The following DOCK2 variants were observed in gnomAD, a reference collection of about 807,000 sequenced individuals.
The protein encoded by DOCK2 is dedicator of cytokinesis protein 2.
In DOCK2, 87 loss-of-function variants were observed where a neutral mutation model predicts 248.9. That is an observed-to-expected ratio of 0.35 (90% CI 0.29 to 0.42). DOCK2 has a LOEUF of 0.42. DOCK2 is among the 10% of genes least tolerant of loss of function. DOCK2 has a pLI of 1.00. For synonymous variants in DOCK2, 805 were observed against 821.6 expected, an observed-to-expected ratio of 0.98 and a Z score of 0.35; for missense variants, 1,747 against 2,300.2, an observed-to-expected ratio of 0.76 and a Z score of 4.92.
At chr5:169,891,956 A>G (rs946642225) in intron 27 of DOCK2, among the ~76,000 whole-genome samples, 4 of 149,492 alleles carry the variant, frequency 2.7e-5, no homozygotes, top group East Asian at 2.0e-4. Flanking sequence ...AGATTGTGCC[A>G]TTGCACTCCA....
intron 22 of DOCK2, among the ~76,000 whole-genome samples, chr5:169,743,933 A>T (rs978329134): frequency 4.4e-4 from 65 of 149,010 alleles, no homozygotes; most frequent in Middle Eastern, 3.3e-3. Flanking sequence ...TTATATTATT[A>T]TATATATATA....
chr5:169,642,577 A>C (rs1309516613), intron 1 of DOCK2, among the ~76,000 whole-genome samples: 1 of 152,220 alleles, frequency 6.6e-6, no homozygotes, highest in African/African-American at 2.4e-5. Context: ...ATTGGTCCCC[A>C]GAAATTAGTC....
Position 170,082,978 on chromosome 5 carries a change from C to A in DOCK2, c.*120C>A. 2 of 1,332,206 alleles carry A rather than the reference C, an allele frequency of 1.5e-6. No homozygotes were observed. The highest frequency in any genetic ancestry group is 2.1e-6 in the Non-Finnish European group (2 of 951,336). 82.5% of individuals were successfully genotyped at this position (1,332,206 alleles called of 1,614,324 possible). The stretch of plus-strand genomic sequence containing the variant: ...AGACTGTCCCCATCAGTTGTCCTTA[C>A]TTAGAGGAGACAGAGAGGCCAATCA... On this transcript the variant is annotated 3_prime_UTR_variant, in exon 52 of 52. Coordinates refer to ENST00000520908, the MANE Select transcript of DOCK2 (RefSeq NM_004946.3).
chr5:170,075,674 A>C, intron 46 of DOCK2: 1 of 358,632 alleles, frequency 2.8e-6, no homozygotes, highest in African/African-American at 2.1e-5. Context: ...AATTTTCCCA[A>C]CCATGTGGCC....
intron 27 of DOCK2, among the ~76,000 whole-genome samples, chr5:169,979,435 C>T (rs1026695814): frequency 1.3e-5 from 2 of 152,186 alleles, no homozygotes; most frequent in Non-Finnish European, 2.9e-5. Context: ...ATCAGAGAAG[C>T]AAAATGTTAT....
At chr5:169,669,577 T>A (rs887080409) in intron 3 of DOCK2, among the ~76,000 whole-genome samples, 1 of 152,190 alleles carries the variant, frequency 6.6e-6, no homozygotes, top group Non-Finnish European at 1.5e-5. Context: ...TGCCACTCAC[T>A]TATGATTTCT....
At chr5:170,008,910 A>G (rs1451706328) in intron 32 of DOCK2, among the ~76,000 whole-genome samples, 164 bp downstream of exon 32, 2 of 152,042 alleles carry the variant, frequency 1.3e-5, no homozygotes, top group Non-Finnish European at 2.9e-5. Flanking sequence ...TATACTCTGA[A>G]TAAGAGGGGT....
At chr5:169,972,166 T>C (rs1336190815) in intron 27 of DOCK2, among the ~76,000 whole-genome samples, 1 of 152,242 alleles carries the variant, frequency 6.6e-6, no homozygotes, top group Admixed American at 6.5e-5. Context: ...TCTCTATCAA[T>C]CTTGTAGTTT....
chr5:169,647,284 A>C (rs947567171), intron 1 of DOCK2, among the ~76,000 whole-genome samples: 3 of 150,672 alleles, frequency 2.0e-5, no homozygotes, highest in African/African-American at 7.3e-5. Flanking sequence ...AGGTGGATGG[A>C]TAGTTGTTGA....
rs546467004 is a variant in DOCK2 at position 169,916,050 on chromosome 5, A to G, written c.2800-67018A>G. 3.9e-5 allele frequency among the ~76,000 whole-genome samples: 6 copies of G among 152,324 alleles called. 1 individual carries two copies. The South Asian group carries it at 1.2e-3, about 32-fold the overall frequency. On this transcript the variant is annotated intron_variant, in intron 27 of 51. Coordinates refer to ENST00000520908, the MANE Select transcript of DOCK2 (RefSeq NM_004946.3). ...TCTCATTTTCTCATGTTTAGATTAG[A>G]AGTATGGGAACTCAGAGGGCTGAAT...
chr5:169,962,479 G>A (rs1777131626), intron 27 of DOCK2, among the ~76,000 whole-genome samples: 1 of 152,126 alleles, frequency 6.6e-6, no homozygotes, highest in Admixed American at 6.5e-5. Context: ...TGAAGATGAA[G>A]AATTCCAACT....
chr5:169,875,383 A>C (rs922148494), intron 27 of DOCK2: 3 of 447,380 alleles, frequency 6.7e-6, no homozygotes, highest in Non-Finnish European at 4.5e-6. Flanking sequence ...TAGGGCCTAC[A>C]TCTTCAATGT....
intron 26 of DOCK2, among the ~76,000 whole-genome samples, chr5:169,839,355 G>C (rs1282750354): frequency 2.6e-5 from 4 of 152,182 alleles, no homozygotes; most frequent in Non-Finnish European, 4.4e-5. Flanking sequence ...TCGACCTTGA[G>C]AGAACCTTCT....
intron 1 of DOCK2, among the ~76,000 whole-genome samples, chr5:169,637,790 C>A (rs1756912155): frequency 6.6e-6 from 1 of 152,206 alleles, no homozygotes; most frequent in Admixed American, 6.5e-5. Context: ...TCCAAAGCGA[C>A]ACCCATTTGC....
At chr5:169,943,496 A>C (rs1776323531) in intron 27 of DOCK2, among the ~76,000 whole-genome samples, 1 of 152,208 alleles carries the variant, frequency 6.6e-6, no homozygotes, top group Admixed American at 6.5e-5. Flanking sequence ...GCCTCTCTTG[A>C]GAAAACAGAA....
intron 39 of DOCK2, among the ~76,000 whole-genome samples, chr5:170,046,769 T>TAC (rs58071736): frequency 0.14 from 20,213 of 148,762 alleles, 1,934 homozygotes; most frequent in East Asian, 0.53. Flanking sequence ...CACACACACA[T>TAC]ACACACACAC....
intron 25 of DOCK2, among the ~76,000 whole-genome samples, chr5:169,765,068 G>GTGCA (rs1554098289): frequency 3.8e-5 from 3 of 79,664 alleles, no homozygotes; most frequent in Non-Finnish European, 6.0e-5. Flanking sequence ...GGCTCTTTTA[G>GTGCA]CGCACACACA....
At position 170,036,559 on chromosome 5, in the gene DOCK2, A is replaced by T; in HGVS notation, c.3665+4A>T. ...ACAGGGAGGAGATGTACATAAGGTA[A>T]GATTCATATTTTCTAAAATCCAGAC... On this transcript the variant is annotated splice_donor_region_variant and intron_variant, in intron 36 of 51. Transcript: ENST00000520908. 1 of 1,612,782 alleles carries T rather than the reference A, an allele frequency of 6.2e-7. No homozygotes were observed. Among genetic ancestry groups the T allele is most frequent in the South Asian group, 1.1e-5 (1 of 90,654 alleles).
At chr5:169,920,721 C>T (rs998990344) in intron 27 of DOCK2, among the ~76,000 whole-genome samples, 11 of 152,158 alleles carry the variant, frequency 7.2e-5, no homozygotes, top group African/African-American at 1.9e-4. Context: ...TCCCGTCTCC[C>T]GTCTCTGCAG....
Sources: gnomAD v4.1 joint callset for allele counts (sites outside exome capture counted in the v4.1 genomes callset) on GRCh38, gnomAD v4.1.1 for gene constraint, MANE v1.5 for transcripts, NCBI Gene and HGNC (gene_info 2026-07-23, HGNC 2026-07-21) for gene names.